Variants in PGPEP1L observed in about 807,000 individuals in gnomAD.
The protein encoded by PGPEP1L is pyroglutamyl-peptidase 1-like protein.
In PGPEP1L, 7 loss-of-function variants were observed where a neutral mutation model predicts 6.0. That is an observed-to-expected ratio of 1.17 (90% CI 0.66 to 2.19). The LOEUF is 2.19. Ranked by LOEUF, PGPEP1L falls within the 30% of genes most tolerant of loss-of-function variation. The pLI is 0.00. For missense variants in PGPEP1L, 209 were observed against 192.5 expected (o/e 1.09, Z -0.51); for synonymous variants, 103 against 83.9 (o/e 1.23, Z -1.24).
intron 1 of PGPEP1L, among the ~76,000 whole-genome samples, chr15:99,007,070 G>A (rs1369579145): frequency 6.6e-6 from 1 of 152,128 alleles, no homozygotes; most frequent in East Asian, 1.9e-4. Flanking sequence ...GACCCCCCTT[G>A]GTGGCTTTCT....
rs974266944 is a variant in PGPEP1L, at chr15:98,968,758, A to C, written c.210-61T>G. ...CCAGCCTCTAACCTCAGTGAAACAT[A>C]CGCAGAAGTGGCAATGCAACACCCA... On this transcript the variant is annotated intron_variant, in intron 4 of 4. Transcript: ENST00000535714. The C allele has an allele frequency of 8.8e-6, 13 of 1,473,212 alleles. No homozygotes were observed. The African/African-American group carries it at 1.5e-4, about 17-fold the overall frequency. 91.3% of individuals were successfully genotyped at this position (1,473,212 alleles called of 1,614,324 possible).
intron 1 of PGPEP1L, among the ~76,000 whole-genome samples, chr15:99,006,336 C>T (rs1213825274): frequency 6.6e-6 from 1 of 152,230 alleles, no homozygotes; most frequent in Non-Finnish European, 1.5e-5. Flanking sequence ...GCGAAAAGTG[C>T]TTTCTTGACA....
intron 2 of PGPEP1L, among the ~76,000 whole-genome samples, chr15:98,995,359 TTTA>T (rs371724284): frequency 1.1e-3 from 164 of 152,320 alleles, no homozygotes; most frequent in Middle Eastern, 0.01. Context: ...CTAATCTGTC[TTTA>T]TTGAGATATA....
At chr15:98,999,746 G>T (rs2017933988) in intron 2 of PGPEP1L, among the ~76,000 whole-genome samples, 4 of 152,246 alleles carry the variant, frequency 2.6e-5, no homozygotes, top group Admixed American at 2.6e-4. Context: ...AGCAGTGGAA[G>T]AGAGAAGTAG....
chr15:98,990,624 C>G (rs1207932692), intron 2 of PGPEP1L, among the ~76,000 whole-genome samples: 1 of 152,216 alleles, frequency 6.6e-6, no homozygotes, highest in Non-Finnish European at 1.5e-5. Flanking sequence ...TAAGAGACAT[C>G]TACAGAACTC....
intron 2 of PGPEP1L, among the ~76,000 whole-genome samples, chr15:98,971,667 T>C (rs2017499515): frequency 6.6e-6 from 1 of 152,180 alleles, no homozygotes; most frequent in Non-Finnish European, 1.5e-5. Flanking sequence ...AGGGTTCAAC[T>C]TGAAAGAAAC....
At chr15:98,994,687 ACTGT>A (rs1260505240) in intron 2 of PGPEP1L, among the ~76,000 whole-genome samples, 2 of 152,196 alleles carry the variant, frequency 1.3e-5, no homozygotes, top group East Asian at 3.9e-4. Context: ...TGCATTTCAC[ACTGT>A]CTTTCTCAGA....
At chr15:98,972,608 C>T (rs922351609) in intron 2 of PGPEP1L, among the ~76,000 whole-genome samples, 1 of 151,848 alleles carries the variant, frequency 6.6e-6, no homozygotes, top group Non-Finnish European at 1.5e-5. Context: ...GTGGCTCACG[C>T]CTGTAATCGC....
chr15:99,005,329 C>T (rs1420251812), intron 2 of PGPEP1L, 100 bp downstream of exon 2: 1 of 152,368 alleles, frequency 6.6e-6, no homozygotes, highest in Non-Finnish European at 1.5e-5. Context: ...CTTTTTTTCC[C>T]TCAGGGAACT....
chr15:98,990,519 CTT>C lies in PGPEP1L; in HGVS notation c.-142+14908_-142+14909del, dbSNP rs1265944564. 4.6e-5 allele frequency among the ~76,000 whole-genome samples: 7 copies of C among 152,160 alleles called. No individual in the cohort carries two copies. In the East Asian group the frequency reaches 7.7e-4, roughly 17 times the overall value. ...ACTCCCACACAATAATAGTGGGAGA[CTT>C]TAACACCCCACTGTCAATATTAAAC... On this transcript the variant is annotated intron_variant, in intron 2 of 4. Transcript: ENST00000535714.
At chr15:99,004,344 G>A (rs1218325144) in intron 2 of PGPEP1L, among the ~76,000 whole-genome samples, 2 of 151,284 alleles carry the variant, frequency 1.3e-5, no homozygotes, top group Non-Finnish European at 3.0e-5. Flanking sequence ...AGGAGTTTGA[G>A]GCTGCAGTGA....
chr15:98,997,311 T>G (rs2017901073), intron 2 of PGPEP1L, among the ~76,000 whole-genome samples: 1 of 152,234 alleles, frequency 6.6e-6, no homozygotes, highest in Non-Finnish European at 1.5e-5. Flanking sequence ...GCATCTGTAC[T>G]GACAGCCTAG....
At chr15:99,003,960 A>G (rs1360866371) in intron 2 of PGPEP1L, among the ~76,000 whole-genome samples, 1 of 148,666 alleles carries the variant, frequency 6.7e-6, no homozygotes, top group East Asian at 1.9e-4. Context: ...AAGGTTTCCC[A>G]AAGAACTTTT....
chr15:98,995,021 G>A (rs76119568), intron 2 of PGPEP1L, among the ~76,000 whole-genome samples: 62 of 152,168 alleles, frequency 4.1e-4, no homozygotes, highest in African/African-American at 1.3e-3. Context: ...ATGTGTATCC[G>A]TGTGGATCTT....
rs369749842 is a variant in PGPEP1L at position 98,982,700 on chromosome 15, C to CTTTTTTTTTTTTTTTTTTTTT, written c.-141-11563_-141-11543dup. Among the ~76,000 whole-genome samples, 9 of 52,454 alleles carry CTTTTTTTTTTTTTTTTTTTTT rather than the reference C, an allele frequency of 1.7e-4. 3 individuals carry two copies. Among genetic ancestry groups the CTTTTTTTTTTTTTTTTTTTTT allele is most frequent in the Non-Finnish European group, 2.5e-4 (6 of 23,892 alleles). The allele number at this position is 52,454 out of a possible 152,430, so 34.4% of individuals were successfully genotyped here. A position where few individuals can be genotyped will look rare whatever the true frequency, so the allele number is the denominator to read the frequency against. ...TCACTCTGGTTATTTTTATCTGAGG[C>CTTTTTTTTTTTTTTTTTTTTT]TTTTTTTTTTTTTTTTTTTTTTTTT... is the stretch of plus-strand genomic sequence containing the variant. On this transcript the variant is annotated intron_variant, in intron 2 of 4. Transcript: ENST00000535714.
At chr15:98,996,141 T>C (rs1194256008) in intron 2 of PGPEP1L, among the ~76,000 whole-genome samples, 2 of 152,254 alleles carry the variant, frequency 1.3e-5, no homozygotes, top group African/African-American at 4.8e-5. Context: ...CTGATCATTC[T>C]TGTAGCTGAA....
In PGPEP1L at chr15:98,987,089, C is replaced by T. The variant is rs2017756425; in HGVS notation, c.-141-15931G>A. Among the ~76,000 whole-genome samples, 3 of 140,230 alleles carry T rather than the reference C, an allele frequency of 2.1e-5. No homozygotes were observed. In the South Asian group the frequency reaches 6.9e-4, roughly 32 times the overall value. 92.0% of individuals were successfully genotyped at this position (140,230 alleles called of 152,430 possible). ...GGCTGAGACAGGAGAATTGCTTAAA[C>T]CCGGGAGGCGAGGTTGCAATGAGCC... On this transcript the variant is annotated intron_variant, in intron 2 of 4. Transcript: ENST00000535714.
At chr15:98,996,974 T>C (rs1274603899) in intron 2 of PGPEP1L, among the ~76,000 whole-genome samples, 5 of 152,160 alleles carry the variant, frequency 3.3e-5, no homozygotes, top group African/African-American at 1.2e-4. Context: ...GATGAGAAAA[T>C]TGAGACACAG....
intron 2 of PGPEP1L, among the ~76,000 whole-genome samples, chr15:98,971,434 C>CA (rs1413293661): frequency 6.6e-6 from 1 of 152,020 alleles, no homozygotes; most frequent in Non-Finnish European, 1.5e-5. Flanking sequence ...GTGGAGGTTG[C>CA]AGTGAGCCGA....
Sources: gnomAD v4.1 joint callset for allele counts (sites outside exome capture counted in the v4.1 genomes callset) on GRCh38, gnomAD v4.1.1 for gene constraint, MANE v1.5 for transcripts, NCBI Gene and HGNC (gene_info 2026-07-23, HGNC 2026-07-21) for gene names.